Variants in XPA observed in about 807,000 individuals in gnomAD.
XPA encodes XPA, DNA damage recognition and repair factor, also known as DNA repair protein complementing XP-A cells.
Under a neutral mutation model 35.7 loss-of-function variants are expected in XPA, and 27 were observed. The ratio of observed to expected loss-of-function variants is 0.76; its 90% CI spans 0.56 to 1.04. The LOEUF (loss-of-function observed/expected upper bound fraction) is 1.04. XPA is among the 50% of genes least tolerant of loss of function. XPA has a pLI of 0.00. For missense variants in XPA, 354 were observed against 342.7 expected (o/e 1.03, Z -0.26); for synonymous variants, 133 against 118.4 (o/e 1.12, Z -0.80).
chr9:97,670,987 C>A, downstream of XPA: 2 of 666,578 alleles, frequency 3.0e-6, no homozygotes, highest in South Asian at 2.5e-5. Flanking sequence ...TTCCTCTTTT[C>A]ATCATTCTGC....
chr9:97,682,804 T>TA (rs1474031236), intron 5 of XPA, among the ~76,000 whole-genome samples: 5 of 152,198 alleles, frequency 3.3e-5, no homozygotes, highest in Admixed American at 2.0e-4. Flanking sequence ...CTAATTATAT[T>TA]AAAGTTTATA....
At chr9:97,675,997 T>A (rs145012372) in intron 5 of XPA, 66 of 218,466 alleles carry the variant, frequency 3.0e-4, no homozygotes, top group African/African-American at 1.4e-3. Context: ...TTTAAGTTCC[T>A]GTTAGGAGCT....
chr9:97,654,564 TAAA>T, the XPA span, among the ~76,000 whole-genome samples: 8 of 140,800 alleles, frequency 5.7e-5, no homozygotes, highest in Non-Finnish European at 6.3e-5. Flanking sequence ...AACCTTCAGT[TAAA>T]AAAAAAAAAA....
the XPA span, among the ~76,000 whole-genome samples, chr9:97,661,727 T>TA: frequency 7.1e-6 from 1 of 140,188 alleles, no homozygotes; most frequent in Non-Finnish European, 1.5e-5. Context: ...GACATAAGCT[T>TA]AAGTGTTTTT....
At chr9:97,668,017 C>G in the XPA span, among the ~76,000 whole-genome samples, 2 of 152,130 alleles carry the variant, frequency 1.3e-5, no homozygotes, top group Admixed American at 1.3e-4. Flanking sequence ...TCTGTGATAT[C>G]CGAGAGCAGG....
downstream of XPA, chr9:97,671,142 T>C (rs1164690855): frequency 1.2e-6 from 2 of 1,613,954 alleles, no homozygotes; most frequent in African/African-American, 2.7e-5. Context: ...TCTTCACTGC[T>C]GAATTAGACC....
intron 2 of XPA, among the ~76,000 whole-genome samples, chr9:97,691,672 C>T (rs1270870707): frequency 1.3e-5 from 2 of 151,992 alleles, no homozygotes; most frequent in African/African-American, 4.8e-5. Flanking sequence ...AAGATTGCCC[C>T]ACTGCATTCC....
the XPA span, chr9:97,663,089 T>C: frequency 8.2e-6 from 12 of 1,460,250 alleles, no homozygotes; most frequent in African/African-American, 1.4e-5. Flanking sequence ...TCTGATTGTA[T>C]GGGTATAAAA....
the XPA span, chr9:97,668,947 A>G: frequency 6.2e-7 from 1 of 1,612,502 alleles, no homozygotes; most frequent in Non-Finnish European, 8.5e-7. Context: ...AGAGTGAACA[A>G]AAGAATCTTT....
rs746694561 is a variant in XPA, at chr9:97,675,487, A to T, written c.774T>A (p.Arg258=). Residue 258 remains arginine (R), a synonymous_variant, in exon 6 of 6, where the codon CGT becomes CGA. Coordinates refer to ENST00000375128, the MANE Select transcript of XPA (RefSeq NM_000380.4). The part of the protein sequence containing the change: ...PEENLEDDMY[R]KTCTMCGHEL... ...CATGGCCACACATAGTACAAGTCTT[A>T]CGGTACATGTCATCTTCTAGGTTTT... 50 of 1,613,688 alleles carry T rather than the reference A, an allele frequency of 3.1e-5. No homozygotes were observed. The highest frequency in any genetic ancestry group is 4.1e-5 in the Non-Finnish European group (48 of 1,179,766).
the XPA span, among the ~76,000 whole-genome samples, chr9:97,656,434 C>T: frequency 2.8e-4 from 42 of 152,208 alleles, no homozygotes; most frequent in African/African-American, 9.1e-4. Flanking sequence ...TAAAAATTTG[C>T]GAGGCGTGTT....
chr9:97,672,560 T>C (rs1028293702), downstream of XPA: 2 of 152,146 alleles, frequency 1.3e-5, no homozygotes, highest in African/African-American at 4.8e-5. Context: ...GTTTATACTG[T>C]TTATCTTTCC....
chr9:97,688,613 G>A lies in XPA; in HGVS notation c.389+921C>T, dbSNP rs183215217. ...AAAAGCTATACTGGCCTTTAAGAAT[G>A]ACGACAATACTGTGGACTTTAACCA... On this transcript the variant is annotated intron_variant, in intron 3 of 5. Coordinates refer to ENST00000375128, the MANE Select transcript of XPA (RefSeq NM_000380.4). 4.1e-4 allele frequency among the ~76,000 whole-genome samples: 63 copies of A among 152,260 alleles called. 1 individual carries two copies. The highest frequency in any genetic ancestry group is 1.9e-3 in the Admixed American group (29 of 15,282).
At chr9:97,658,403 A>T in the XPA span, among the ~76,000 whole-genome samples, 9 of 152,318 alleles carry the variant, frequency 5.9e-5, no homozygotes, top group Admixed American at 3.9e-4. Context: ...ATACTTGGCC[A>T]CCAGGCTCAT....
At chr9:97,670,122 C>G (rs1301570539), downstream of XPA, 1 of 306,570 alleles carries the variant, frequency 3.3e-6, no homozygotes. Flanking sequence ...AGAGTTTCAC[C>G]ATGTTGGCCA....
In XPA at chr9:97,697,275, C is replaced by A; in HGVS notation, c.18G>T (p.Gly6=). The change falls in exon 1 of 6, where the codon GGG becomes GGT. Residue 6 remains glycine (G), a synonymous_variant. Transcript: ENST00000375128. ...CTAAAGCCGCCGCCTCCGGCAAAGCCCCGTCGGCCGCCGCCATCTCTGGCC... is the reference window on the plus strand; with the variant it reads ...CTAAAGCCGCCGCCTCCGGCAAAGCACCGTCGGCCGCCGCCATCTCTGGCC... MAAAD[G]ALPEAAALEQ... is the part of the protein sequence containing the mutation. The A allele has an allele frequency of 6.3e-7, 1 of 1,598,780 alleles. No homozygotes were observed. The highest frequency in any genetic ancestry group is 8.5e-7 in the Non-Finnish European group (1 of 1,179,220).
At position 97,696,418 on chromosome 9, in the gene XPA, A is replaced by G. The variant is rs149278723; in HGVS notation, c.172+703T>C. On this transcript the variant is annotated intron_variant, in intron 1 of 5. Transcript: ENST00000375128. ...GTCCTTAATTTACTTCAATCAATAA[A>G]CACGTTTTGAGCAACTAGTTTTTGC... Among the ~76,000 whole-genome samples the G allele has an allele frequency of 1.6e-4, 24 of 152,304 alleles. No individual in the cohort carries two copies. The East Asian group carries it at 4.6e-3, about 29-fold the overall frequency.
chr9:97,671,985 T>TA (rs909841571), downstream of XPA: 4 of 152,228 alleles, frequency 2.6e-5, no homozygotes, highest in Non-Finnish European at 4.4e-5. Flanking sequence ...GTCCAAGGTC[T>TA]TGTAGTGAGT....
chr9:97,681,276 A>G (rs1828529191), intron 5 of XPA, among the ~76,000 whole-genome samples: 1 of 152,224 alleles, frequency 6.6e-6, no homozygotes, highest in Admixed American at 6.5e-5. Flanking sequence ...GTATTGACTC[A>G]TGGTGCCCCT....
Sources: allele counts gnomAD v4.1 joint callset (sites outside exome capture counted in the v4.1 genomes callset), GRCh38; gene constraint gnomAD v4.1.1; transcripts MANE v1.5; gene names NCBI Gene and HGNC (gene_info 2026-07-23, HGNC 2026-07-21).